Variants in RPL39 observed in about 807,000 individuals in gnomAD.
RPL39 encodes the protein large ribosomal subunit protein eL39.
For synonymous variants in RPL39, 8 were observed against 11.4 expected (o/e 0.70, Z 0.60); for missense variants, 6 against 37.2 (o/e 0.16, Z 2.18).
At chrX:119,790,509 GTAAT>G (rs1204200472) in intron 1 of RPL39, 1 of 112,563 alleles carries the variant, frequency 8.9e-6, no homozygotes, top group Non-Finnish European at 1.9e-5. Flanking sequence ...TATTGGGAGG[GTAAT>G]TAAGACTTAG....
At chrX:119,789,876 G>A in intron 2 of RPL39, 32 bp downstream of exon 2, 1 of 853,545 alleles carries the variant, frequency 1.2e-6, no homozygotes, top group Non-Finnish European at 1.7e-6. Context: ...CTTACATTTA[G>A]CAAAATACAA....
intron 2 of RPL39, among the ~76,000 whole-genome samples, chrX:119,789,186 G>C (rs943541317): frequency 9.0e-6 from 1 of 111,237 alleles, no homozygotes; most frequent in African/African-American, 3.3e-5. Context: ...GGTCACTTGA[G>C]TCTGGTAGGT....
chrX:119,787,276 T>C (rs1036030885), intron 2 of RPL39: 4 of 328,179 alleles, frequency 1.2e-5, no homozygotes, highest in Non-Finnish European at 2.4e-5. Context: ...CATGAGCCAC[T>C]GCACCTGGCC....
intron 2 of RPL39, 133 bp downstream of exon 2, chrX:119,789,775 T>C: frequency 2.3e-6 from 1 of 442,428 alleles, no homozygotes; most frequent in South Asian, 3.5e-5. Context: ...AAAAACGAAT[T>C]TGAGAATGCT....
chrX:119,786,966 C>A (rs906240395), intron 2 of RPL39, among the ~76,000 whole-genome samples: 2 of 112,425 alleles, frequency 1.8e-5, no homozygotes, highest in East Asian at 5.6e-4. Context: ...TAACTAGGAT[C>A]AGAGTAGTGG....
intron 1 of RPL39, 46 bp from the exon 2 acceptor site, chrX:119,790,057 G>T: frequency 1.3e-6 from 1 of 783,868 alleles, no homozygotes; most frequent in Non-Finnish European, 1.9e-6. Context: ...GAGCCTGCCC[G>T]AATGATTCAA....
Position 119,786,579 on chromosome X carries a change from A to G in RPL39, c.*105T>C, listed in dbSNP as rs1293939007. On this transcript the variant is annotated 3_prime_UTR_variant, in exon 3 of 3. Transcript: ENST00000361575. ...GTTCATAACAGATTCAGAGAGGAAA[A>G]CACGTCGAAATCTCCAGATAGTGGT... is the stretch of plus-strand genomic sequence containing the variant. The G allele has an allele frequency of 2.0e-5, 12 of 606,288 alleles. No homozygotes were observed. The highest frequency in any genetic ancestry group is 3.2e-5 in the Non-Finnish European group (12 of 376,690). The allele number at this position is 606,288 out of a possible 1,213,427, so 50.0% of individuals were successfully genotyped here. A position where few individuals can be genotyped will look rare whatever the true frequency, so the allele number is the denominator to read the frequency against.
chrX:119,790,973 G>C (rs779517668), intron 1 of RPL39: 1 of 117,188 alleles, frequency 8.5e-6, no homozygotes, highest in Admixed American at 9.6e-5. Flanking sequence ...CCAGTAAAGA[G>C]TGACTGGTTC....
At chrX:119,790,119 C>T (rs1236778433) in intron 1 of RPL39, 108 bp from the exon 2 acceptor site, 1 of 463,789 alleles carries the variant, frequency 2.2e-6, no homozygotes, top group Non-Finnish European at 3.7e-6. Context: ...ATACCCCAGC[C>T]CCAAAATCTT....
intron 2 of RPL39, among the ~76,000 whole-genome samples, chrX:119,787,734 T>C (rs1413234954): frequency 9.0e-6 from 1 of 111,203 alleles, no homozygotes; most frequent in Non-Finnish European, 1.9e-5. Flanking sequence ...CACTGCAGCC[T>C]GTGAATTCCT....
intron 2 of RPL39, among the ~76,000 whole-genome samples, chrX:119,788,324 G>A (rs1436395430): frequency 9.0e-6 from 1 of 111,202 alleles, no homozygotes; most frequent in Non-Finnish European, 1.9e-5. Flanking sequence ...ACGAGGTCAG[G>A]AGTTCAAGAC....
Position 119,791,614 on chromosome X carries a change from A to G in RPL39, c.-38T>C. 1 of 1,155,291 alleles carries G rather than the reference A, an allele frequency of 8.7e-7. No individual in the cohort carries two copies. The highest frequency in any genetic ancestry group is 2.1e-5 in the South Asian group (1 of 48,647). Reference sequence around the variant, plus strand: ...AGTCAAGAACACACCACGATGGCGGAGAAAGGAAGAGGAGGGAAGCTGGCG... The same window carrying G: ...AGTCAAGAACACACCACGATGGCGGGGAAAGGAAGAGGAGGGAAGCTGGCG... On this transcript the variant is annotated 5_prime_UTR_variant, in exon 1 of 3. Coordinates refer to ENST00000361575, the MANE Select transcript of RPL39 (RefSeq NM_001000.4).
In RPL39 at chrX:119,786,539, C is replaced by G; in HGVS notation, c.*145G>C. The G allele has an allele frequency of 2.1e-6, 1 of 472,381 alleles. No individual in the cohort carries two copies. The highest frequency in any genetic ancestry group is 3.6e-6 in the Non-Finnish European group (1 of 273,998). 38.9% of individuals were successfully genotyped at this position (472,381 alleles called of 1,213,427 possible). A position where few individuals can be genotyped will look rare whatever the true frequency, so the allele number is the denominator to read the frequency against. Reference sequence around the variant, plus strand: ...AGGCCTTACATATTTATTACTGAATCCAGCCAACCAACGTGTTCATAACAG... The same window carrying G: ...AGGCCTTACATATTTATTACTGAATGCAGCCAACCAACGTGTTCATAACAG... On this transcript the variant is annotated 3_prime_UTR_variant, in exon 3 of 3. Coordinates refer to ENST00000361575, the MANE Select transcript of RPL39 (RefSeq NM_001000.4).
chrX:119,787,830 G>A (rs1289045411), intron 2 of RPL39, among the ~76,000 whole-genome samples: 1 of 110,638 alleles, frequency 9.0e-6, no homozygotes, highest in Non-Finnish European at 1.9e-5. Context: ...TTATATTTTT[G>A]GTAGAGATGG....
chrX:119,790,061 G>A (rs1459638012), intron 1 of RPL39, 50 bp from the exon 2 acceptor site: 3 of 763,310 alleles, frequency 3.9e-6, no homozygotes, highest in South Asian at 4.3e-5. Flanking sequence ...CTGCCCGAAT[G>A]ATTCAAAGTC....
chrX:119,791,149 C>T (rs1374742027), intron 1 of RPL39: 1 of 147,451 alleles, frequency 6.8e-6, no homozygotes, highest in Non-Finnish European at 1.5e-5. Flanking sequence ...AAGCTAAACC[C>T]TTTTCGAAAA....
chrX:119,789,804 T>C (rs980224674), intron 2 of RPL39, 104 bp downstream of exon 2: 2 of 484,946 alleles, frequency 4.1e-6, no homozygotes, highest in Admixed American at 3.1e-5. Flanking sequence ...GTGGATTGGA[T>C]TGCATGCAAT....
At chrX:119,786,911 C>G (rs1465790292) in intron 2 of RPL39, among the ~76,000 whole-genome samples, 179 bp from the exon 3 acceptor site, 2 of 111,923 alleles carry the variant, frequency 1.8e-5, no homozygotes, top group Non-Finnish European at 3.8e-5. Flanking sequence ...AAAAACTAGC[C>G]AAGTCAAGTT....
At chrX:119,790,122 A>G (rs1049080482) in intron 1 of RPL39, 111 bp from the exon 2 acceptor site, 37 of 457,940 alleles carry the variant, frequency 8.1e-5, no homozygotes, top group African/African-American at 7.7e-4. Context: ...CCCCAGCCCC[A>G]AAATCTTCTC....
Sources: allele counts gnomAD v4.1 joint callset (sites outside exome capture counted in the v4.1 genomes callset), GRCh38; gene constraint gnomAD v4.1.1; transcripts MANE v1.5; gene names NCBI Gene and HGNC (gene_info 2026-07-23, HGNC 2026-07-21).